NRXN3: variants seen among roughly 807,000 people sequenced by gnomAD.
NRXN3 encodes neurexin 3.
In NRXN3, 32 loss-of-function variants were observed where a neutral mutation model predicts 137.6. That is an observed-to-expected ratio of 0.23 (90% CI 0.18 to 0.31). The LOEUF is 0.31. Ranked by LOEUF, NRXN3 falls within the 10% of genes least tolerant of loss-of-function variation. The probability of loss-of-function intolerance (pLI) is 1.00; values close to 1 mark genes in which losing one functional copy is unlikely to be tolerated. For missense variants in NRXN3, 1,574 were observed against 2,062.5 expected (o/e 0.76, Z 4.59); for synonymous variants, 798 against 784.5 (o/e 1.02, Z -0.29).
intron 4 of NRXN3, among the ~76,000 whole-genome samples, chr14:78,443,767 G>T (rs1163027873): frequency 6.6e-6 from 1 of 152,158 alleles, no homozygotes; most frequent in African/African-American, 2.4e-5. Flanking sequence ...ATGAAATAAT[G>T]TGCTTAAAAA....
At chr14:78,467,632 A>C (rs1309713844) in intron 4 of NRXN3, among the ~76,000 whole-genome samples, 1 of 152,230 alleles carries the variant, frequency 6.6e-6, no homozygotes. Flanking sequence ...TAGCATGAAC[A>C]CATCTTCTAT....
At chr14:79,234,293 A>AATATATATATATAT (rs71131687) in intron 15 of NRXN3, among the ~76,000 whole-genome samples, 10 of 56,186 alleles carry the variant, frequency 1.8e-4, no homozygotes, top group Non-Finnish European at 2.2e-4. Flanking sequence ...TTCAATGGTA[A>AATATATATATATAT]ATATATATAT....
intron 10 of NRXN3, among the ~76,000 whole-genome samples, chr14:78,833,887 A>G (rs2098989154): frequency 6.6e-6 from 1 of 152,206 alleles, no homozygotes. Context: ...TTGAGCACCC[A>G]TATTTCTAAG....
At chr14:78,682,003 G>A (rs1399910756) in intron 6 of NRXN3, among the ~76,000 whole-genome samples, 3 of 152,002 alleles carry the variant, frequency 2.0e-5, no homozygotes, top group Non-Finnish European at 2.9e-5. Context: ...CAGTAGCAGC[G>A]ATTACAGGCG....
chr14:79,381,631 A>C (rs575911865), intron 15 of NRXN3, among the ~76,000 whole-genome samples: 7 of 152,186 alleles, frequency 4.6e-5, no homozygotes, highest in Non-Finnish European at 8.8e-5. Flanking sequence ...ATTCTCAGTC[A>C]AAAGGAACTT....
intron 1 of NRXN3, among the ~76,000 whole-genome samples, chr14:78,233,698 A>C (rs1223255697): frequency 6.6e-6 from 1 of 151,446 alleles, no homozygotes; most frequent in Non-Finnish European, 1.5e-5. Context: ...CAAAAAAAAA[A>C]AAAAAAAAAG....
At chr14:79,156,742 C>T (rs573276054) in intron 15 of NRXN3, among the ~76,000 whole-genome samples, 1 of 151,726 alleles carries the variant, frequency 6.6e-6, no homozygotes, top group Non-Finnish European at 1.5e-5. Flanking sequence ...GTAAAGAAGA[C>T]TTTGTTTGGA....
intron 20 of NRXN3, among the ~76,000 whole-genome samples, chr14:79,826,288 C>CA (rs1337882618): frequency 6.6e-6 from 1 of 152,108 alleles, no homozygotes; most frequent in African/African-American, 2.4e-5. Flanking sequence ...CCGCTGTGCC[C>CA]AACCTGAGAT....
chr14:78,342,865 G>A (rs1469284381), intron 4 of NRXN3, among the ~76,000 whole-genome samples: 1 of 152,128 alleles, frequency 6.6e-6, no homozygotes, highest in Non-Finnish European at 1.5e-5. Flanking sequence ...CTTAAAAACA[G>A]GGGGTGGTTA....
At chr14:78,258,174 A>G (rs2069994857) in intron 2 of NRXN3, among the ~76,000 whole-genome samples, 2 of 152,164 alleles carry the variant, frequency 1.3e-5, no homozygotes, top group Non-Finnish European at 2.9e-5. Flanking sequence ...AGTGCTCAGG[A>G]CAATGCTTGG....
chr14:78,199,391 CAAT>C (rs888899866), intron 1 of NRXN3, among the ~76,000 whole-genome samples: 1 of 152,096 alleles, frequency 6.6e-6, no homozygotes, highest in Non-Finnish European at 1.5e-5. Flanking sequence ...TTGAAAGTAG[CAAT>C]AATAAGAGCC....
intron 1 of NRXN3, among the ~76,000 whole-genome samples, chr14:78,216,374 A>G (rs183000562): frequency 3.5e-4 from 53 of 152,160 alleles, no homozygotes; most frequent in African/African-American, 1.2e-3. Context: ...TTTTTGTTCC[A>G]TTGCTCAGAT....
At chr14:79,103,479 C>G (rs2051747509) in intron 15 of NRXN3, among the ~76,000 whole-genome samples, 1 of 152,222 alleles carries the variant, frequency 6.6e-6, no homozygotes, top group East Asian at 1.9e-4. Context: ...TTTTTAGCTT[C>G]TTTAAGTTTT....
rs35371414 is a variant in NRXN3 at position 79,499,956 on chromosome 14, CGTGTGTGTGT to C, written c.3444+32581_3444+32590del. Among the ~76,000 whole-genome samples the C allele has an allele frequency of 4.1e-4, 60 of 145,232 alleles. No individual in the cohort carries two copies. The East Asian group carries it at 0.01, about 25-fold the overall frequency. On this transcript the variant is annotated intron_variant, in intron 16 of 20. Coordinates refer to ENST00000335750, the MANE Select transcript of NRXN3 (RefSeq NM_001330195.2). ...GGTTTTCTGTCAGTTATCTTAGGGTCGTGTGTGTGTGTGTGTGTGTGTGTGTGTGTGTGTG... is the reference window on the plus strand; with the variant it reads ...GGTTTTCTGTCAGTTATCTTAGGGTCGTGTGTGTGTGTGTGTGTGTGTGTG...
At chr14:78,714,038 C>T (rs2098420854) in intron 7 of NRXN3, among the ~76,000 whole-genome samples, 1 of 152,128 alleles carries the variant, frequency 6.6e-6, no homozygotes. Flanking sequence ...TAGAACTATA[C>T]CAGAGACAGA....
At chr14:79,081,012 T>C (rs185944521) in intron 15 of NRXN3, among the ~76,000 whole-genome samples, 2 of 152,244 alleles carry the variant, frequency 1.3e-5, no homozygotes, top group Admixed American at 1.3e-4. Context: ...CCCTTCTCCA[T>C]CCCCTAAGCA....
chr14:79,589,590 T>G (rs1178226753), intron 16 of NRXN3, among the ~76,000 whole-genome samples: 1 of 128,278 alleles, frequency 7.8e-6, no homozygotes, highest in African/African-American at 3.0e-5. Flanking sequence ...AAGGAAGAGA[T>G]AGATAGTAAA....
rs190021584 is a variant in NRXN3 at position 79,814,364 on chromosome 14, C to T, written c.4093+9174C>T. ...GTAAGATGTGATTTGAAATCCTCTG[C>T]CTTTATTTCTCACTCTCCTATTGTC... On this transcript the variant is annotated intron_variant, in intron 20 of 20. Coordinates refer to ENST00000335750, the MANE Select transcript of NRXN3 (RefSeq NM_001330195.2). 4.6e-5 allele frequency among the ~76,000 whole-genome samples: 7 copies of T among 152,308 alleles called. No homozygotes were observed. In the East Asian group the frequency reaches 1.3e-3, roughly 29 times the overall value.
At chr14:78,970,064 A>G (rs531459620) in intron 14 of NRXN3, among the ~76,000 whole-genome samples, 1 of 152,326 alleles carries the variant, frequency 6.6e-6, no homozygotes, top group Non-Finnish European at 1.5e-5. Context: ...CAGTAATTCC[A>G]TTTATCCTGG....
Sources: allele counts gnomAD v4.1 joint callset (sites outside exome capture counted in the v4.1 genomes callset), GRCh38; gene constraint gnomAD v4.1.1; transcripts MANE v1.5; gene names NCBI Gene and HGNC (gene_info 2026-07-23, HGNC 2026-07-21).